Variants in RFX1 observed in about 807,000 individuals in gnomAD.
RFX1 encodes the protein regulatory factor X1.
A neutral mutation model predicts 119.6 loss-of-function variants in RFX1; 42 were observed. The observed-to-expected ratio is 0.35, with a 90% CI of 0.27 to 0.45. The LOEUF is 0.45. Among genes scored for constraint, RFX1 ranks in the 20% least tolerant of loss-of-function variants. RFX1 has a pLI of 1.00. For synonymous variants in RFX1, 628 were observed against 618.5 expected, an observed-to-expected ratio of 1.02 and a Z score of -0.23; for missense variants, 1,118 against 1,368.1, an observed-to-expected ratio of 0.82 and a Z score of 2.88.
At chr19:13,967,208 G>A (rs573861738) in intron 12 of RFX1, among the ~76,000 whole-genome samples, 41 of 152,286 alleles carry the variant, frequency 2.7e-4, no homozygotes, top group Middle Eastern at 3.4e-3. Context: ...GGGATGTCCC[G>A]GCCTCCAGGG....
At position 13,993,759 on chromosome 19, in the gene RFX1, G is replaced by C; in HGVS notation, c.85C>G (p.Pro29Ala). The change falls in exon 2 of 21, where the codon CCG becomes GCG. Residue 29 changes from proline (P) to alanine (A), a missense_variant. Coordinates refer to ENST00000254325, the MANE Select transcript of RFX1 (RefSeq NM_002918.5). ...PQAPPQAQPQ[P>A]PPPPPPAAPQ... ...GCCGCTGGGGGTGGTGGCGGTGGCGGCTGGGGCTGGGCTTGTGGCGGGGCC... is the reference window on the plus strand; with the variant it reads ...GCCGCTGGGGGTGGTGGCGGTGGCGCCTGGGGCTGGGCTTGTGGCGGGGCC... 6.3e-7 allele frequency: 1 copy of C among 1,599,046 alleles called. No individual in the cohort carries two copies. The highest frequency in any genetic ancestry group is 8.5e-7 in the Non-Finnish European group (1 of 1,173,844).
intron 2 of RFX1, among the ~76,000 whole-genome samples, chr19:13,987,069 A>C (rs975559181): frequency 4.6e-5 from 7 of 152,196 alleles, no homozygotes; most frequent in African/African-American, 1.7e-4. Flanking sequence ...CTGTCTGGAC[A>C]CAAGTCTTCT....
chr19:13,964,068 C>T (rs1973816323), intron 16 of RFX1, 61 bp from the exon 17 acceptor site: 3 of 1,483,380 alleles, frequency 2.0e-6, no homozygotes, highest in Non-Finnish European at 2.7e-6. Context: ...CAGCCCTGGC[C>T]CCACCCCGCT....
chr19:13,972,103 A>G (rs930637859), intron 9 of RFX1, among the ~76,000 whole-genome samples: 1 of 147,690 alleles, frequency 6.8e-6, no homozygotes, highest in Non-Finnish European at 1.5e-5. Context: ...TGGGAGTTTG[A>G]GGCTGCAGTG....
rs188035764 is a variant in RFX1 at position 13,999,468 on chromosome 19, C to T, written c.-52-5573G>A. On this transcript the variant is annotated intron_variant, in intron 1 of 20. Coordinates refer to ENST00000254325, the MANE Select transcript of RFX1 (RefSeq NM_002918.5). ...CCACTGTAATGTGAAAGTGGCCATG[C>T]ACAATAGGTAAACAAATGAGCAGGC... 9.8e-5 allele frequency among the ~76,000 whole-genome samples: 15 copies of T among 152,290 alleles called. No individual in the cohort carries two copies. In the East Asian group the frequency reaches 2.1e-3, roughly 22 times the overall value.
At chr19:14,005,603 A>G (rs1360136847) in intron 1 of RFX1, among the ~76,000 whole-genome samples, 2 of 152,216 alleles carry the variant, frequency 1.3e-5, no homozygotes, top group Admixed American at 6.5e-5. Flanking sequence ...CCAAGTTCTG[A>G]GTCCTGGGAC....
chr19:13,980,718 G>GCTGGGGTGGGATTGCATCCACT lies in RFX1; in HGVS notation c.622-30_622-29insAGTGGATGCAATCCCACCCCAG. ...TAAGGGAAGGAGACACAGGAGTGCC[G>GCTGGGGTGGGATTGCATCCACT]CTGGGGTGGGCTTGCATCCTCTCTG... On this transcript the variant is annotated intron_variant, in intron 5 of 20. Transcript: ENST00000254325. This position sits in a 1 kb window ranked among gnomAD's most constrained non-coding sequence, Gnocchi z 5.1. The GCTGGGGTGGGATTGCATCCACT allele has an allele frequency of 1.5e-6, 1 of 646,418 alleles. No homozygotes were observed. The highest frequency in any genetic ancestry group is 2.1e-6 in the Non-Finnish European group (1 of 472,800). 40.0% of individuals were successfully genotyped at this position (646,418 alleles called of 1,614,324 possible).
At chr19:13,999,289 A>G (rs1330175576) in intron 1 of RFX1, among the ~76,000 whole-genome samples, 2 of 152,204 alleles carry the variant, frequency 1.3e-5, no homozygotes, top group African/African-American at 4.8e-5. Context: ...CAAGAAAAGC[A>G]CTAGTGGCTG....
chr19:14,002,648 G>C (rs1008644893), intron 1 of RFX1, among the ~76,000 whole-genome samples: 3 of 152,030 alleles, frequency 2.0e-5, no homozygotes, highest in Non-Finnish European at 4.4e-5. Context: ...GACCGTGTGA[G>C]AAAGTTACTT....
rs1421369285 is a variant in RFX1 at position 13,966,226 on chromosome 19, T to A, written c.1961+195A>T. Reference sequence around the variant, plus strand: ...AGGGAGAAGATGGTGCCCTGCCCCATGCCTGGGCTTAGTCAGGCACTCCAC... The same window carrying A: ...AGGGAGAAGATGGTGCCCTGCCCCAAGCCTGGGCTTAGTCAGGCACTCCAC... On this transcript the variant is annotated intron_variant, in intron 14 of 20. Coordinates refer to ENST00000254325, the MANE Select transcript of RFX1 (RefSeq NM_002918.5). The surrounding 1 kb of genome is among the most constrained non-coding windows in gnomAD (Gnocchi z 6.3). Among the ~76,000 whole-genome samples the A allele has an allele frequency of 3.3e-5, 5 of 152,152 alleles. No individual in the cohort carries two copies.
At chr19:13,982,047 A>G (rs1974444622) in intron 5 of RFX1, 74 bp downstream of exon 5, 2 of 718,724 alleles carry the variant, frequency 2.8e-6, no homozygotes, top group East Asian at 3.2e-5. Context: ...GGGAGCCCCA[A>G]ATATACTATG....
intron 2 of RFX1, among the ~76,000 whole-genome samples, 198 bp downstream of exon 2, chr19:13,993,327 T>C (rs1266080663): frequency 6.6e-6 from 1 of 152,060 alleles, no homozygotes; most frequent in Non-Finnish European, 1.5e-5. Flanking sequence ...AAAGAAGCTC[T>C]AAGAGCTGCT....
At chr19:13,993,045 TGGGAGGATCATTTGAGGCC>T (rs996568331) in intron 2 of RFX1, among the ~76,000 whole-genome samples, 1 of 151,738 alleles carries the variant, frequency 6.6e-6, no homozygotes, top group Non-Finnish European at 1.5e-5. Flanking sequence ...GAGACCGAGG[TGGGAGGATCATTTGAGGCC>T]GGGAGGATCA....
chr19:13,985,202 CAG>C lies in RFX1; in HGVS notation c.320-1609_320-1608del, dbSNP rs909924754. On this transcript the variant is annotated intron_variant, in intron 2 of 20. Coordinates refer to ENST00000254325, the MANE Select transcript of RFX1 (RefSeq NM_002918.5). This position sits in a 1 kb window ranked among gnomAD's most constrained non-coding sequence, Gnocchi z 4.3. ...CCGGGATTTTTTTTTTTTTTTGAGA[CAG>C]GGTCTCACAGTTGCCCAGGCTGGAG... 6.8e-6 allele frequency among the ~76,000 whole-genome samples: 1 copy of C among 146,068 alleles called. No homozygotes were observed. The highest frequency in any genetic ancestry group is 2.6e-5 in the African/African-American group (1 of 39,144).
chr19:13,998,494 GA>G (rs57230251), intron 1 of RFX1, among the ~76,000 whole-genome samples: 28 of 140,480 alleles, frequency 2.0e-4, no homozygotes, highest in Middle Eastern at 3.6e-3. Flanking sequence ...TCTGTCTCAA[GA>G]AAAAAAAAAA....
At chr19:14,001,008 T>C (rs1033392970) in intron 1 of RFX1, among the ~76,000 whole-genome samples, 1 of 152,036 alleles carries the variant, frequency 6.6e-6, no homozygotes, top group African/African-American at 2.4e-5. Flanking sequence ...TGAGGTAGAA[T>C]TGCTTGAACC....
Position 13,976,241 on chromosome 19 carries a change from G to T in RFX1, c.929+1751C>A, listed in dbSNP as rs2145572407. ...GGTCGGTCAGAGCATCATGACCCTA[G>T]GACTAAGTCGATCCATGAGCTAACC... On this transcript the variant is annotated intron_variant, in intron 8 of 20. Transcript: ENST00000254325. Among the ~76,000 whole-genome samples, 2 of 152,318 alleles carry T rather than the reference G, an allele frequency of 1.3e-5. 1 individual carries two copies. The highest frequency in any genetic ancestry group is 4.1e-4 in the South Asian group (2 of 4,828).
chr19:13,979,180 G>A (rs1473140439), intron 7 of RFX1, among the ~76,000 whole-genome samples: 2 of 152,156 alleles, frequency 1.3e-5, no homozygotes, highest in African/African-American at 2.4e-5. Flanking sequence ...GCAGCCACCC[G>A]AGGGAAGATC....
Position 13,969,299 on chromosome 19 carries a change from C to T in RFX1, c.1497-405G>A, listed in dbSNP as rs1428351744. Reference sequence around the variant, plus strand: ...ATGAAGCACTGACTAGGTACAACCCCGCGTCATCGAGGTACGAGCACTGCA... The same window carrying T: ...ATGAAGCACTGACTAGGTACAACCCTGCGTCATCGAGGTACGAGCACTGCA... On this transcript the variant is annotated intron_variant, in intron 10 of 20. Transcript: ENST00000254325. The surrounding 1 kb of genome is among the most constrained non-coding windows in gnomAD (Gnocchi z 4.5). 5.3e-5 allele frequency among the ~76,000 whole-genome samples: 8 copies of T among 152,070 alleles called. No individual in the cohort carries two copies. The highest frequency in any genetic ancestry group is 2.0e-4 in the Admixed American group (3 of 15,258).
Sources: allele counts gnomAD v4.1 joint callset (sites outside exome capture counted in the v4.1 genomes callset), GRCh38; gene constraint gnomAD v4.1.1; non-coding constraint Gnocchi (gnomAD v3.1); transcripts MANE v1.5; gene names NCBI Gene and HGNC (gene_info 2026-07-23, HGNC 2026-07-21).